The following ITFG1 variants were observed in gnomAD, a reference collection of about 807,000 sequenced individuals.
The protein encoded by ITFG1 is integrin alpha FG-GAP repeat containing 1, also known as T-cell immunomodulatory protein.
A neutral mutation model predicts 81.8 loss-of-function variants in ITFG1; 34 were observed. The ratio of observed to expected loss-of-function variants is 0.42; its 90% CI spans 0.32 to 0.55. The LOEUF (loss-of-function observed/expected upper bound fraction) is 0.55. Among genes scored for constraint, ITFG1 ranks in the 20% least tolerant of loss-of-function variants. The pLI is 0.17. For synonymous variants in ITFG1, 285 were observed against 270.6 expected (o/e 1.05, Z -0.52); for missense variants, 672 against 755.4 (o/e 0.89, Z 1.29).
At chr16:47,336,980 A>T (rs1967712689) in intron 8 of ITFG1, among the ~76,000 whole-genome samples, 1 of 151,152 alleles carries the variant, frequency 6.6e-6, no homozygotes, top group African/African-American at 2.4e-5. Flanking sequence ...GAAAAAAAAA[A>T]AAAAAGAGGC....
At chr16:47,448,260 T>G (rs949098241) in intron 5 of ITFG1, 2 of 152,162 alleles carry the variant, frequency 1.3e-5, no homozygotes, top group Admixed American at 1.3e-4. Flanking sequence ...ACAGTAAAAC[T>G]GAAGGGTGAT....
chr16:47,453,627 G>A (rs1021368862), intron 3 of ITFG1, among the ~76,000 whole-genome samples: 1 of 152,228 alleles, frequency 6.6e-6, no homozygotes, highest in African/African-American at 2.4e-5. Flanking sequence ...AATCACTGCA[G>A]GCACAGCATC....
intron 7 of ITFG1, among the ~76,000 whole-genome samples, chr16:47,370,317 A>G (rs1460119515): frequency 6.6e-6 from 1 of 152,128 alleles, no homozygotes; most frequent in Non-Finnish European, 1.5e-5. Context: ...CTTAGACAAT[A>G]AAATGGTGCT....
chr16:47,443,412 G>C (rs1469280101), intron 5 of ITFG1, among the ~76,000 whole-genome samples: 2 of 152,102 alleles, frequency 1.3e-5, no homozygotes, highest in African/African-American at 2.4e-5. Flanking sequence ...ATACCCAAAG[G>C]ATTATAAATC....
chr16:47,345,302 T>G (rs537537106), intron 8 of ITFG1, among the ~76,000 whole-genome samples: 10 of 148,676 alleles, frequency 6.7e-5, no homozygotes, highest in African/African-American at 2.0e-4. Flanking sequence ...TTTTTTTTTT[T>G]GTTTGTTTGT....
At chr16:47,391,416 T>G (rs1194866226) in intron 6 of ITFG1, among the ~76,000 whole-genome samples, 1 of 152,180 alleles carries the variant, frequency 6.6e-6, no homozygotes, top group African/African-American at 2.4e-5. Context: ...ATAACTTTCC[T>G]TTTTTGTCTT....
chr16:47,254,680 ATTTGT>A lies in ITFG1; in HGVS notation c.1330+3947_1330+3951del, dbSNP rs577657057. 4.5e-3 allele frequency among the ~76,000 whole-genome samples: 691 copies of A among 152,314 alleles called. 1 individual carries two copies. The highest frequency in any genetic ancestry group is 7.0e-3 in the Non-Finnish European group (477 of 68,018). On this transcript the variant is annotated intron_variant, in intron 12 of 17. Transcript: ENST00000320640. ...ACTTGCTGAGCACAGGGAGAACTTG[ATTTGT>A]TTTAACAATATACAGATTAATATCT...
intron 14 of ITFG1, among the ~76,000 whole-genome samples, chr16:47,167,336 G>T (rs1191758471): frequency 6.6e-6 from 1 of 152,172 alleles, no homozygotes. Flanking sequence ...TGAAGTAACG[G>T]AAGAATCACA....
chr16:47,457,727 T>C (rs1027172156), intron 2 of ITFG1, among the ~76,000 whole-genome samples: 2 of 152,206 alleles, frequency 1.3e-5, no homozygotes, highest in African/African-American at 4.8e-5. Context: ...TTAATTGGGA[T>C]ATTTGTTTTA....
chr16:47,221,303 A>G (rs1965688472), intron 13 of ITFG1, among the ~76,000 whole-genome samples: 1 of 152,160 alleles, frequency 6.6e-6, no homozygotes, highest in Admixed American at 6.5e-5. Context: ...AGGGTTGTTG[A>G]ATTTTGTCAA....
rs368906463 is a variant in ITFG1 at position 47,366,259 on chromosome 16, C to A, written c.721-390G>T. On this transcript the variant is annotated intron_variant, in intron 7 of 17. Coordinates refer to ENST00000320640, the MANE Select transcript of ITFG1 (RefSeq NM_030790.5). ...TAAGTCAGAAAAATAGGATTTCTGA[C>A]GGTAACACATAATTAGTATAAGTAC... Among the ~76,000 whole-genome samples, 6 of 152,166 alleles carry A rather than the reference C, an allele frequency of 3.9e-5. No individual in the cohort carries two copies. The East Asian group carries it at 1.2e-3, about 29-fold the overall frequency.
intron 10 of ITFG1, among the ~76,000 whole-genome samples, chr16:47,295,700 T>C (rs1472845995): frequency 6.6e-6 from 1 of 152,206 alleles, no homozygotes; most frequent in Non-Finnish European, 1.5e-5. Context: ...CTTCTGTTTC[T>C]TGGTTATTAG....
intron 14 of ITFG1, among the ~76,000 whole-genome samples, chr16:47,179,178 A>C (rs1367966877): frequency 1.3e-5 from 2 of 152,256 alleles, no homozygotes; most frequent in Non-Finnish European, 2.9e-5. Flanking sequence ...GCAATTCCTC[A>C]AGGATCTAGA....
intron 12 of ITFG1, among the ~76,000 whole-genome samples, chr16:47,243,985 T>C (rs1965967274): frequency 6.6e-6 from 1 of 152,148 alleles, no homozygotes; most frequent in Admixed American, 6.5e-5. Context: ...GAGCTGAGAT[T>C]GCACCACTGG....
At chr16:47,435,779 C>G (rs375322886) in intron 5 of ITFG1, among the ~76,000 whole-genome samples, 2 of 152,028 alleles carry the variant, frequency 1.3e-5, no homozygotes, top group Non-Finnish European at 2.9e-5. Context: ...AGATATGCTT[C>G]GAAAGAATTT....
intron 6 of ITFG1, among the ~76,000 whole-genome samples, chr16:47,409,556 C>T (rs1242251265): frequency 1.3e-5 from 2 of 148,940 alleles, no homozygotes; most frequent in Non-Finnish European, 3.0e-5. Flanking sequence ...GCTGGGATTA[C>T]AGGCGCACAC....
Position 47,343,820 on chromosome 16 carries a change from T to C in ITFG1, c.802+21968A>G, listed in dbSNP as rs143643568. On this transcript the variant is annotated intron_variant, in intron 8 of 17. Transcript: ENST00000320640. Reference sequence around the variant, plus strand: ...TCAGAAAGGTAAACATATAATGACCTTATATCCCAGCAATTTCCCTCCTAC... The same window carrying C: ...TCAGAAAGGTAAACATATAATGACCCTATATCCCAGCAATTTCCCTCCTAC... Among the ~76,000 whole-genome samples, 19 of 152,274 alleles carry C rather than the reference T, an allele frequency of 1.2e-4. No individual in the cohort carries two copies. The East Asian group carries it at 3.7e-3, about 29-fold the overall frequency.
chr16:47,292,646 C>A (rs578211820), intron 10 of ITFG1, among the ~76,000 whole-genome samples: 16 of 152,114 alleles, frequency 1.1e-4, no homozygotes, highest in Non-Finnish European at 2.1e-4. Flanking sequence ...AACTTCTTAT[C>A]CCTCAACCCC....
At chr16:47,341,427 A>T (rs949404059) in intron 8 of ITFG1, among the ~76,000 whole-genome samples, 10 of 150,282 alleles carry the variant, frequency 6.7e-5, no homozygotes, top group African/African-American at 2.4e-4. Flanking sequence ...GAAAAAAAAA[A>T]AGAAAATACT....
Sources: gnomAD v4.1 joint callset for allele counts (sites outside exome capture counted in the v4.1 genomes callset) on GRCh38, gnomAD v4.1.1 for gene constraint, MANE v1.5 for transcripts, NCBI Gene and HGNC (gene_info 2026-07-23, HGNC 2026-07-21) for gene names.